VPS13A: variants seen among roughly 807,000 people sequenced by gnomAD.
VPS13A encodes the protein intermembrane lipid transfer protein VPS13A.
A neutral mutation model predicts 390.9 loss-of-function variants in VPS13A; 264 were observed. That is an observed-to-expected ratio of 0.68 (90% CI 0.61 to 0.75). VPS13A has a LOEUF of 0.75. Among genes scored for constraint, VPS13A ranks in the 30% least tolerant of loss-of-function variants. The pLI, the probability that VPS13A is intolerant of heterozygous loss-of-function variation, is 0.00. For missense variants in VPS13A, 3,409 were observed against 3,733.9 expected (o/e 0.91, Z 2.27); for synonymous variants, 1,231 against 1,227.1 (o/e 1.00, Z -0.07).
intron 44 of VPS13A, among the ~76,000 whole-genome samples, chr9:77,322,337 A>G (rs1416292141): frequency 6.6e-6 from 1 of 151,900 alleles, no homozygotes; most frequent in Non-Finnish European, 1.5e-5. Context: ...GTGAAGTTAA[A>G]TAGTCCCAGA....
intron 59 of VPS13A, among the ~76,000 whole-genome samples, chr9:77,364,321 A>G (rs888029386): frequency 6.6e-6 from 1 of 152,142 alleles, no homozygotes; most frequent in African/African-American, 2.4e-5. Flanking sequence ...GCTACTCAGG[A>G]GGCTGAGGCA....
In VPS13A at chr9:77,226,466, G is replaced by C; in HGVS notation, c.1225G>C (p.Val409Leu). Residue 409 changes from valine to leucine, a missense_variant and splice_region_variant, in exon 15 of 72, where the codon GTA (valine) becomes CTA (leucine). Coordinates refer to ENST00000360280, the MANE Select transcript of VPS13A (RefSeq NM_033305.3). ...TIARQTAEVEVKKAGYKIYKE... is the reference protein window; with the variant it reads ...TIARQTAEVELKKAGYKIYKE... ...TTATTTGAAAATTTATTCATTTTAG[G>C]TAAAGAAAGCTGGATACAAAATTTA... 1 of 1,606,002 alleles carries C rather than the reference G, an allele frequency of 6.2e-7. No individual in the cohort carries two copies.
At chr9:77,412,855 G>A (rs1303963612) in intron 71 of VPS13A, among the ~76,000 whole-genome samples, 1 of 152,044 alleles carries the variant, frequency 6.6e-6, no homozygotes, top group African/African-American at 2.4e-5. Context: ...AAACCCCATC[G>A]TCTCAGCCCC....
At chr9:77,366,697 T>C in intron 60 of VPS13A, 30 bp from the exon 61 acceptor site, 1 of 1,566,178 alleles carries the variant, frequency 6.4e-7, no homozygotes, top group Non-Finnish European at 8.7e-7. Context: ...AAGAAAATAC[T>C]TTTAAATATT....
At chr9:77,394,441 CACCTGTTGTCCCAGCTATT>C (rs1367205074) in intron 68 of VPS13A, among the ~76,000 whole-genome samples, 1 of 152,098 alleles carries the variant, frequency 6.6e-6, no homozygotes, top group Non-Finnish European at 1.5e-5. Flanking sequence ...TGGCGGCAGC[CACCTGTTGTCCCAGCTATT>C]TGGGAGACTG....
chr9:77,276,699 GGTTTAAGTCTATGTTTCCTTGTT>G (rs1826690932), intron 26 of VPS13A, among the ~76,000 whole-genome samples: 1 of 152,162 alleles, frequency 6.6e-6, no homozygotes, highest in Non-Finnish European at 1.5e-5. Context: ...ATTTACACAT[GGTTTAAGTCTATGTTTCCTTGTT>G]GCCTGTTAGC....
rs1381596397 is a variant in VPS13A at position 77,221,250 on chromosome 9, G to A, written c.1055G>A (p.Trp352Ter). Residue 352 changes from tryptophan (W) to a stop codon, truncating the protein, a stop_gained, in exon 13 of 72, where the codon TGG (tryptophan) becomes TAG (stop). Coordinates refer to ENST00000360280, the MANE Select transcript of VPS13A (RefSeq NM_033305.3). LOFTEE classifies it high-confidence loss of function. Reference protein sequence around the residue: ...NVCPRLWMWSWKHIRKHRQKV... With the variant: ...NVCPRLWMWS ...TGCCCCAGGTTATGGATGTGGTCAT[G>A]GAAGCATATTAGAAAACATAGGCAA... 1 of 1,613,478 alleles carries A rather than the reference G, an allele frequency of 6.2e-7. No individual in the cohort carries two copies. The highest frequency in any genetic ancestry group is 1.1e-5 in the South Asian group (1 of 91,074).
chr9:77,268,532 G>A (rs535917270), intron 23 of VPS13A, among the ~76,000 whole-genome samples: 3 of 152,194 alleles, frequency 2.0e-5, no homozygotes, highest in South Asian at 2.1e-4. Flanking sequence ...TTGGAAATGC[G>A]GAAATCACTG....
At chr9:77,243,136 T>C (rs2131248127) in intron 19 of VPS13A, among the ~76,000 whole-genome samples, 1 of 152,270 alleles carries the variant, frequency 6.6e-6, no homozygotes, top group South Asian at 2.1e-4. Flanking sequence ...TTTCTTCCTT[T>C]TATTTTGTTA....
chr9:77,303,154 A>C, intron 34 of VPS13A, 92 bp downstream of exon 34: 1 of 1,296,342 alleles, frequency 7.7e-7, no homozygotes, highest in Non-Finnish European at 1.1e-6. Flanking sequence ...GAATTTGTAT[A>C]TACATAATCA....
intron 6 of VPS13A, 39 bp from the exon 7 acceptor site, chr9:77,210,576 AC>A: frequency 1.3e-6 from 2 of 1,591,058 alleles, no homozygotes; most frequent in Non-Finnish European, 1.7e-6. Context: ...TTATCCAACT[AC>A]TAAAAATCTG....
chr9:77,309,186 A>C (rs1390808448), intron 35 of VPS13A, among the ~76,000 whole-genome samples: 1 of 152,212 alleles, frequency 6.6e-6, no homozygotes, highest in Admixed American at 6.5e-5. Context: ...CTGGAAATCC[A>C]AATATTATTG....
chr9:77,379,959 A>T (rs752404740), intron 67 of VPS13A, among the ~76,000 whole-genome samples: 1 of 152,026 alleles, frequency 6.6e-6, no homozygotes, highest in African/African-American at 2.4e-5. Flanking sequence ...GAAATCTTCA[A>T]CTATTATGGT....
chr9:77,384,435 T>C (rs539078897), intron 68 of VPS13A: 1 of 1,047,904 alleles, frequency 9.5e-7, no homozygotes, highest in Admixed American at 1.8e-5. Flanking sequence ...TGGAATATTA[T>C]ATCCATAATT....
intron 35 of VPS13A, among the ~76,000 whole-genome samples, chr9:77,313,402 A>G (rs1829207286): frequency 2.0e-5 from 3 of 152,196 alleles, no homozygotes; most frequent in South Asian, 4.1e-4. Flanking sequence ...ATTTCATTGT[A>G]TGTAAATTTT....
In VPS13A at chr9:77,417,209, T is replaced by C. The variant is rs1835195622; in HGVS notation, c.*1203T>C. The C allele has an allele frequency of 6.6e-6, 1 of 152,222 alleles. No individual in the cohort carries two copies. Among genetic ancestry groups the C allele is most frequent in the Non-Finnish European group, 1.5e-5 (1 of 68,030 alleles). 9.4% of individuals were successfully genotyped at this position (152,222 alleles called of 1,614,324 possible). On this transcript the variant is annotated 3_prime_UTR_variant, in exon 72 of 72. Coordinates refer to ENST00000360280, the MANE Select transcript of VPS13A (RefSeq NM_033305.3). ...AGGATCCTATTTAGTTACTGAATAA[T>C]ACAGAGTATTCAATGCATGTTGTAT...
Position 77,407,622 on chromosome 9 carries a change from T to C in VPS13A, c.9474+15T>C. 6.3e-7 allele frequency: 1 copy of C among 1,584,888 alleles called. No individual in the cohort carries two copies. Among genetic ancestry groups the C allele is most frequent in the Non-Finnish European group, 8.7e-7 (1 of 1,154,622 alleles). On this transcript the variant is annotated intron_variant, in intron 71 of 71. Transcript: ENST00000360280. ...AGGATGCCAGGGTAAATATAATAAA[T>C]CTTTTATTTAAATAGGAGCTGCTCA...
At chr9:77,179,688 T>G (rs1215101788) in intron 1 of VPS13A, among the ~76,000 whole-genome samples, 6 of 103,704 alleles carry the variant, frequency 5.8e-5, no homozygotes, top group Admixed American at 3.6e-4. Flanking sequence ...GGGTTGTACG[T>G]TTTTTTTTTT....
At chr9:77,291,383 A>T (rs1163304860) in intron 31 of VPS13A, among the ~76,000 whole-genome samples, 1 of 152,134 alleles carries the variant, frequency 6.6e-6, no homozygotes, top group Admixed American at 6.5e-5. Context: ...GGGACCACAG[A>T]TGCATAGCAT....
Sources: allele counts gnomAD v4.1 joint callset (sites outside exome capture counted in the v4.1 genomes callset), GRCh38; gene constraint gnomAD v4.1.1; transcripts MANE v1.5; gene names NCBI Gene and HGNC (gene_info 2026-07-23, HGNC 2026-07-21).